The following PSMA1 variants were observed in gnomAD, a reference collection of about 807,000 sequenced individuals.
PSMA1 encodes the protein proteasome subunit alpha type-1.
In PSMA1, 3 loss-of-function variants were observed where a neutral mutation model predicts 38.4. The ratio of observed to expected loss-of-function variants is 0.08; its 90% CI spans 0.04 to 0.20. The LOEUF is 0.20. Among genes scored for constraint, PSMA1 ranks in the 10% least tolerant of loss-of-function variants. The pLI is 1.00. For synonymous variants in PSMA1, 101 were observed against 107.1 expected (o/e 0.94, Z 0.35); for missense variants, 227 against 325.3 (o/e 0.70, Z 2.32).
At chr11:14,517,825 T>A in intron 3 of PSMA1, 55 bp downstream of exon 3, 1 of 1,525,038 alleles carries the variant, frequency 6.6e-7, no homozygotes, top group Non-Finnish European at 8.9e-7. Flanking sequence ...TTATTTTCTA[T>A]GGTGAAATTT....
intron 2 of PSMA1, among the ~76,000 whole-genome samples, chr11:14,572,757 T>C (rs527319634): frequency 6.6e-6 from 1 of 151,926 alleles, no homozygotes; most frequent in East Asian, 1.9e-4. Flanking sequence ...ACAAAACTGA[T>C]AGACTGATAG....
chr11:14,631,725 G>A (rs927030343), intron 1 of PSMA1, among the ~76,000 whole-genome samples: 9 of 152,100 alleles, frequency 5.9e-5, no homozygotes, highest in African/African-American at 1.9e-4. Context: ...TATCCTTGTT[G>A]ACTTTCTGTC....
At chr11:14,524,084 T>C (rs1851560254), upstream of PSMA1, among the ~76,000 whole-genome samples, 1 of 112,942 alleles carries the variant, frequency 8.9e-6, no homozygotes, top group African/African-American at 3.5e-5. Context: ...GTTACCAGCC[T>C]GAGCAACATA....
intron 8 of PSMA1, among the ~76,000 whole-genome samples, chr11:14,509,898 T>A (rs1405100982): frequency 1.3e-5 from 2 of 152,012 alleles, no homozygotes; most frequent in Non-Finnish European, 2.9e-5. Flanking sequence ...TAATTTTTTG[T>A]ATTTTTAGTA....
chr11:14,584,424 T>C (rs1439417392), intron 2 of PSMA1, among the ~76,000 whole-genome samples: 1 of 152,178 alleles, frequency 6.6e-6, no homozygotes, highest in African/African-American at 2.4e-5. Context: ...TTTAGCCTCT[T>C]CCGGATGGCT....
At chr11:14,619,647 G>A (rs971992371) in intron 1 of PSMA1, among the ~76,000 whole-genome samples, 1 of 152,054 alleles carries the variant, frequency 6.6e-6, no homozygotes, top group African/African-American at 2.4e-5. Context: ...TGCTTTCCTT[G>A]AGTGTGTGGA....
intron 2 of PSMA1, among the ~76,000 whole-genome samples, chr11:14,565,653 T>G (rs1852061582): frequency 6.6e-6 from 1 of 152,224 alleles, no homozygotes; most frequent in African/African-American, 2.4e-5. Context: ...CTGTTCTAAA[T>G]CCTTGGTATA....
intron 1 of PSMA1, among the ~76,000 whole-genome samples, chr11:14,632,147 G>C (rs1450924478): frequency 6.9e-5 from 10 of 143,986 alleles, no homozygotes; most frequent in African/African-American, 2.7e-4. Flanking sequence ...CTTTTAATTG[G>C]AGCATTTAGT....
At chr11:14,623,630 G>A (rs1852876066) in intron 1 of PSMA1, among the ~76,000 whole-genome samples, 1 of 152,200 alleles carries the variant, frequency 6.6e-6, no homozygotes, top group Non-Finnish European at 1.5e-5. Context: ...CCATGGAAGA[G>A]ATTGTGAACA....
At chr11:14,592,008 A>C (rs889282899) in intron 2 of PSMA1, among the ~76,000 whole-genome samples, 3 of 151,626 alleles carry the variant, frequency 2.0e-5, no homozygotes, top group Non-Finnish European at 4.4e-5. Context: ...GCCCAGCGAG[A>C]CCATGAGCCC....
At chr11:14,603,215 G>A (rs2134194764) in intron 2 of PSMA1, among the ~76,000 whole-genome samples, 1 of 152,320 alleles carries the variant, frequency 6.6e-6, no homozygotes, top group Middle Eastern at 3.4e-3. Flanking sequence ...AGTAAGGAAG[G>A]AGAAGTAATT....
At chr11:14,598,916 AGCTCTTGT>A in intron 2 of PSMA1, among the ~76,000 whole-genome samples, 1 of 151,408 alleles carries the variant, frequency 6.6e-6, no homozygotes, top group East Asian at 1.9e-4. Context: ...TTCCTTCAGG[AGCTCTTGT>A]AAGGCAGGCT....
chr11:14,575,709 G>T (rs1284392873), intron 2 of PSMA1, among the ~76,000 whole-genome samples: 1 of 151,984 alleles, frequency 6.6e-6, no homozygotes, highest in East Asian at 1.9e-4. Context: ...GAATAGTGCC[G>T]CAATAAACAT....
At chr11:14,556,136 C>A (rs1851939060) in intron 2 of PSMA1, among the ~76,000 whole-genome samples, 1 of 152,170 alleles carries the variant, frequency 6.6e-6, no homozygotes, top group Non-Finnish European at 1.5e-5. Context: ...CTTAGATCTC[C>A]TATATTCCTT....
chr11:14,578,892 A>G (rs1343552465), intron 2 of PSMA1, among the ~76,000 whole-genome samples: 3 of 152,248 alleles, frequency 2.0e-5, no homozygotes, highest in Non-Finnish European at 2.9e-5. Flanking sequence ...CCTATTCTCA[A>G]ATAGATACTT....
At chr11:14,545,696 A>C (rs372202494) in intron 2 of PSMA1, among the ~76,000 whole-genome samples, 1 of 152,234 alleles carries the variant, frequency 6.6e-6, no homozygotes, top group African/African-American at 2.4e-5. Context: ...TAGATCTATT[A>C]ACTACCATAA....
chr11:14,572,814 A>G (rs550353511), intron 2 of PSMA1, among the ~76,000 whole-genome samples: 1 of 152,348 alleles, frequency 6.6e-6, no homozygotes, highest in Admixed American at 6.5e-5. Context: ...CAGACACAAT[A>G]AAAAATGATA....
intron 2 of PSMA1, among the ~76,000 whole-genome samples, chr11:14,583,097 T>C (rs1852302120): frequency 6.6e-6 from 1 of 152,234 alleles, no homozygotes; most frequent in Non-Finnish European, 1.5e-5. Context: ...CAGGGACCAT[T>C]GGCCCCAGGA....
chr11:14,615,150 T>C (rs1852756825), intron 1 of PSMA1, among the ~76,000 whole-genome samples: 2 of 152,378 alleles, frequency 1.3e-5, no homozygotes, highest in South Asian at 4.1e-4. Context: ...TAAAATGTCT[T>C]ATTCACTTCT....
Sources: gnomAD v4.1 joint callset for allele counts (sites outside exome capture counted in the v4.1 genomes callset) on GRCh38, gnomAD v4.1.1 for gene constraint, MANE v1.5 for transcripts, NCBI Gene and HGNC (gene_info 2026-07-23, HGNC 2026-07-21) for gene names.